The following SLC25A39 variants were observed in gnomAD, a reference collection of about 807,000 sequenced individuals.
SLC25A39 encodes mitochondrial glutathione transporter SLC25A39.
In SLC25A39, 44 loss-of-function variants were observed where a neutral mutation model predicts 46.6. The observed-to-expected ratio is 0.94, with a 90% CI of 0.74 to 1.21. The LOEUF (loss-of-function observed/expected upper bound fraction) is 1.21, where lower values mean the gene tolerates loss of function less well. SLC25A39 is among the 50% of genes most tolerant of loss of function. The pLI is 0.00. For missense variants in SLC25A39, 487 were observed against 473.0 expected, an observed-to-expected ratio of 1.03 and a Z score of -0.28; for synonymous variants, 218 against 190.6, an observed-to-expected ratio of 1.14 and a Z score of -1.19.
At chr17:44,324,012 AC>A (rs1173588472) in intron 1 of SLC25A39, 4 of 196,406 alleles carry the variant, frequency 2.0e-5, no homozygotes, top group African/African-American at 9.5e-5. Context: ...CCTGGCAATG[AC>A]CTCTAAAGCA....
In SLC25A39 at chr17:44,320,417, A is replaced by G; in HGVS notation, c.821T>C (p.Leu274Pro). Residue 274 changes from leucine to proline, a missense_variant, in exon 10 of 12, where the codon CTA becomes CCA. Leu to Pro is a moderately conservative substitution (Grantham distance 98). Transcript: ENST00000377095. The part of the protein sequence containing the change: ...ISGTVAAVLT[L>P]PFDVVKTQRQ... ...TTGGGTCTTTACCACGTCAAAGGGT[A>G]GAGTCAGCACTGCAGCCACCTGGTG... 1 of 1,613,590 alleles carries G rather than the reference A, an allele frequency of 6.2e-7. No homozygotes were observed. The highest frequency in any genetic ancestry group is 8.5e-7 in the Non-Finnish European group (1 of 1,180,016).
At position 44,323,786 on chromosome 17, in the gene SLC25A39, C is replaced by G. The variant is rs1286414675; in HGVS notation, c.-15-209G>C. 7.5e-5 allele frequency: 43 copies of G among 573,672 alleles called. No homozygotes were observed. In the East Asian group the frequency reaches 1.3e-3, roughly 17 times the overall value. The allele number at this position is 573,672 out of a possible 1,614,324, so 35.5% of individuals were successfully genotyped here. On this transcript the variant is annotated intron_variant, in intron 1 of 11. Coordinates refer to ENST00000377095, the MANE Select transcript of SLC25A39 (RefSeq NM_001143780.3). ...CCTCCCAAGTAGCTGGGACTACAGGCGCGCACCACCACGCCTAGTTAATTT... is the reference window on the plus strand; with the variant it reads ...CCTCCCAAGTAGCTGGGACTACAGGGGCGCACCACCACGCCTAGTTAATTT...
intron 4 of SLC25A39, 128 bp from the exon 5 acceptor site, chr17:44,322,680 A>G (rs1225090552): frequency 5.1e-6 from 8 of 1,556,700 alleles, no homozygotes; most frequent in Non-Finnish European, 7.0e-6. Context: ...AGGTCACAGG[A>G]CTGGCTGGCA....
rs2048018236 is a variant in SLC25A39 at position 44,321,150 on chromosome 17, C to T, written c.599G>A (p.Gly200Asp). ...AGCCACTGCAGTTCGAACACAGGCA[C>T]CCAGCTCCCGGTACGACACATGCTG... is the stretch of plus-strand genomic sequence containing the variant. ...QAQHVSYREL[G>D]ACVRTAVAQG... Residue 200 changes from glycine (G) to aspartate (D), a missense_variant, in exon 8 of 12, where the codon GGT becomes GAT. By Grantham distance (94) the Gly-to-Asp change is moderately conservative. Coordinates refer to ENST00000377095, the MANE Select transcript of SLC25A39 (RefSeq NM_001143780.3). The T allele has an allele frequency of 7.4e-6, 12 of 1,613,138 alleles. No individual in the cohort carries two copies. Among genetic ancestry groups the T allele is most frequent in the Non-Finnish European group, 1.0e-5 (12 of 1,179,982 alleles).
In SLC25A39 at chr17:44,320,732, C is replaced by A. The variant is rs780506604; in HGVS notation, c.692-1G>T. ...AGCTCATAGTTGAACCAGTACAGGG[C>A]TTGGGGTGGGGGATGCACTGATTAG... On this transcript the variant is annotated splice_acceptor_variant, in intron 8 of 11. Transcript: ENST00000377095. LOFTEE classifies it high-confidence loss of function. The A allele has an allele frequency of 1.2e-6, 2 of 1,611,792 alleles. No individual in the cohort carries two copies. The highest frequency in any genetic ancestry group is 1.1e-5 in the South Asian group (1 of 91,036).
At position 44,322,531 on chromosome 17, in the gene SLC25A39, G is replaced by A. The variant is rs374113759; in HGVS notation, c.212C>T (p.Thr71Ile). 3.1e-6 allele frequency: 5 copies of A among 1,614,016 alleles called. No individual in the cohort carries two copies. Among genetic ancestry groups the A allele is most frequent in the East Asian group, 4.5e-5 (2 of 44,894 alleles). The change falls in exon 5 of 12, where the codon ACA (threonine) becomes ATA (isoleucine). Residue 71 changes from threonine to isoleucine, a missense_variant. Coordinates refer to ENST00000377095, the MANE Select transcript of SLC25A39 (RefSeq NM_001143780.3). ...YTKLPSSLQS[T>I]GKCLLYCNGV... ...ATTGCAATACAGGAGGCACTTCCCT[G>A]TGGATTGGAGAGAGGAGGGCACTGG... is the stretch of plus-strand genomic sequence containing the variant.
chr17:44,323,975 C>T, intron 1 of SLC25A39: 1 of 206,376 alleles, frequency 4.8e-6, no homozygotes, highest in South Asian at 6.8e-5. Context: ...CATCCACCGC[C>T]CTCGAAACAT....
At chr17:44,320,587 C>T in intron 9 of SLC25A39, 35 bp downstream of exon 9, 1 of 1,601,176 alleles carries the variant, frequency 6.2e-7, no homozygotes, top group Non-Finnish European at 8.6e-7. Context: ...GCAGGGAGAC[C>T]TCCGCTGGCC....
chr17:44,320,145 G>C, intron 11 of SLC25A39, 29 bp from the exon 12 acceptor site: 1 of 1,613,936 alleles, frequency 6.2e-7, no homozygotes, highest in Non-Finnish European at 8.5e-7. Context: ...CCGTGTCAGG[G>C]GTCAGGTCGC....
In SLC25A39 at chr17:44,320,449, G is replaced by A. The variant is rs2144718654; in HGVS notation, c.802-13C>T. 6.2e-7 allele frequency: 1 copy of A among 1,613,336 alleles called. No individual in the cohort carries two copies. On this transcript the variant is annotated splice_polypyrimidine_tract_variant and intron_variant, in intron 9 of 11. Transcript: ENST00000377095. ...GCACTGCAGCCACCTGGTGGGGTGG[G>A]CGGGGAGAGGGCTCAGCTCCACTTC... is the stretch of plus-strand genomic sequence containing the variant.
chr17:44,320,747 G>A lies in SLC25A39; in HGVS notation c.692-16C>T. ...CAGTACAGGGCTTGGGGTGGGGGAT[G>A]CACTGATTAGAGACGGGAAGGGCAA... On this transcript the variant is annotated splice_polypyrimidine_tract_variant and intron_variant, in intron 8 of 11. Coordinates refer to ENST00000377095, the MANE Select transcript of SLC25A39 (RefSeq NM_001143780.3). 6.3e-7 allele frequency: 1 copy of A among 1,591,930 alleles called. No individual in the cohort carries two copies.
At position 44,323,347 on chromosome 17, in the gene SLC25A39, G is replaced by C. The variant is rs771732385; in HGVS notation, c.86-4C>G. On this transcript the variant is annotated splice_region_variant and splice_polypyrimidine_tract_variant and intron_variant, in intron 2 of 11. Coordinates refer to ENST00000377095, the MANE Select transcript of SLC25A39 (RefSeq NM_001143780.3). ...TTCACCACGTCCAGGGGTGTCACTG[G>C]GGGAGGAAGCGGGTCTGAAGGCTCC... 1.2e-6 allele frequency: 2 copies of C among 1,610,166 alleles called. No homozygotes were observed. The highest frequency in any genetic ancestry group is 2.7e-5 in the African/African-American group (2 of 74,832).
At position 44,320,055 on chromosome 17, in the gene SLC25A39, C is replaced by G; in HGVS notation, c.1026G>C (p.Glu342Asp). The change falls in exon 12 of 12, where the codon GAG becomes GAC. Residue 342 changes from glutamate (E) to aspartate (D), a missense_variant. By Grantham distance (45) the Glu-to-Asp change is conservative (BLOSUM62 2). Coordinates refer to ENST00000377095, the MANE Select transcript of SLC25A39 (RefSeq NM_001143780.3). ...GCCTCTGGAAGAAGCTTTTGCCGAA[C>G]TCATAGGTGCTGATCATGATGGCAC... ...PSCAIMISTY[E>D]FGKSFFQRLN... 1 of 1,614,080 alleles carries G rather than the reference C, an allele frequency of 6.2e-7. No homozygotes were observed. The highest frequency in any genetic ancestry group is 8.5e-7 in the Non-Finnish European group (1 of 1,180,034).
intron 1 of SLC25A39, chr17:44,323,843 T>C (rs1567872854): frequency 2.2e-6 from 1 of 446,228 alleles, no homozygotes; most frequent in Non-Finnish European, 4.0e-6. Flanking sequence ...GGTTTCACCA[T>C]GTTGGCCAAG....
intron 9 of SLC25A39, 46 bp downstream of exon 9, chr17:44,320,576 C>G (rs368274431): frequency 6.3e-7 from 1 of 1,593,770 alleles, no homozygotes. Context: ...TCAGGCCCCC[C>G]GCAGGGAGAC....
At chr17:44,323,441 C>CAA in intron 2 of SLC25A39, 37 bp downstream of exon 2, 1 of 615,138 alleles carries the variant, frequency 1.6e-6, no homozygotes, top group Non-Finnish European at 2.6e-6. Context: ...TCTGCCCCAT[C>CAA]CCCACCCGCC....
Position 44,320,348 on chromosome 17 carries a change from C to T in SLC25A39, c.883+7G>A. 1 of 1,613,532 alleles carries T rather than the reference C, an allele frequency of 6.2e-7. No individual in the cohort carries two copies. The highest frequency in any genetic ancestry group is 1.1e-5 in the South Asian group (1 of 91,086). On this transcript the variant is annotated splice_region_variant and intron_variant, in intron 10 of 11. Coordinates refer to ENST00000377095, the MANE Select transcript of SLC25A39 (RefSeq NM_001143780.3). The stretch of plus-strand genomic sequence containing the variant: ...CTGTCCCCTGCCACGGCAATCTGGG[C>T]CCTCACCTCTCACAGCCTCCATCGC...
chr17:44,322,008 G>C (rs1329302924), intron 5 of SLC25A39, among the ~76,000 whole-genome samples: 1 of 152,202 alleles, frequency 6.6e-6, no homozygotes, highest in Non-Finnish European at 1.5e-5. Context: ...CCAGCACTTT[G>C]GGAGGCCAAG....
At chr17:44,323,425 C>T in intron 2 of SLC25A39, 53 bp downstream of exon 2, 1 of 1,543,434 alleles carries the variant, frequency 6.5e-7, no homozygotes, top group Admixed American at 2.0e-5. Context: ...AGCCTCCAAT[C>T]TCCGGTCTGC....
Sources: gnomAD v4.1 joint callset for allele counts (sites outside exome capture counted in the v4.1 genomes callset) on GRCh38, gnomAD v4.1.1 for gene constraint, MANE v1.5 for transcripts, NCBI Gene and HGNC (gene_info 2026-07-23, HGNC 2026-07-21) for gene names.